Variants in RARB observed in about 807,000 individuals in gnomAD.
The protein encoded by RARB is HBV-activated protein.
A neutral mutation model predicts 51.9 loss-of-function variants in RARB; 17 were observed. That is an observed-to-expected ratio of 0.33 (90% CI 0.22 to 0.49). RARB has a LOEUF of 0.49. RARB is among the 20% of genes least tolerant of loss of function. The pLI is 0.99. For missense variants in RARB, 369 were observed against 550.8 expected (o/e 0.67, Z 3.30); for synonymous variants, 215 against 195.4 (o/e 1.10, Z -0.84).
chr3:25,402,665 A>T (rs1707294633), intron 5 of RARB, among the ~76,000 whole-genome samples: 1 of 152,222 alleles, frequency 6.6e-6, no homozygotes, highest in Non-Finnish European at 1.5e-5. Context: ...ACTTGGGTGG[A>T]ACTGAAGGAC....
rs1243657327 is a variant in RARB, at chr3:25,227,978, G to A, written c.178+53403G>A. ...TAGACATTGCCTCTATGTCTTTTGGGAGTCAATGTCGCTATGTGGAAGTTT... is the reference window on the plus strand; with the variant it reads ...TAGACATTGCCTCTATGTCTTTTGGAAGTCAATGTCGCTATGTGGAAGTTT... On this transcript the variant is annotated intron_variant, in intron 5 of 11. Transcript: ENST00000383772. Among the ~76,000 whole-genome samples, 3 of 151,854 alleles carry A rather than the reference G, an allele frequency of 2.0e-5. No homozygotes were observed. In the East Asian group the frequency reaches 5.8e-4, roughly 29 times the overall value.
At chr3:25,350,706 T>G (rs11915723) in intron 5 of RARB, among the ~76,000 whole-genome samples, 5,420 of 152,294 alleles carry the variant, frequency 0.036, 351 homozygotes, top group African/African-American at 0.12. Context: ...AGAAAGCTCC[T>G]CATAAATATT....
At chr3:25,228,654 G>T (rs1702110617) in intron 5 of RARB, among the ~76,000 whole-genome samples, 1 of 151,882 alleles carries the variant, frequency 6.6e-6, no homozygotes, top group East Asian at 1.9e-4. Context: ...TTTGGTGGGA[G>T]ACCAGGAAAT....
intron 5 of RARB, among the ~76,000 whole-genome samples, chr3:25,391,773 G>T (rs1319704715): frequency 6.6e-6 from 1 of 152,066 alleles, no homozygotes; most frequent in Non-Finnish European, 1.5e-5. Context: ...TGAGTTCTTT[G>T]TAGATTCTGG....
chr3:25,134,530 A>G (rs1700000221), intron 4 of RARB, among the ~76,000 whole-genome samples: 1 of 151,984 alleles, frequency 6.6e-6, no homozygotes, highest in Non-Finnish European at 1.5e-5. Flanking sequence ...AAACGTGTAC[A>G]GTTCTGGTAC....
At chr3:24,931,582 A>G (rs1324647487) in intron 2 of RARB, among the ~76,000 whole-genome samples, 2 of 152,104 alleles carry the variant, frequency 1.3e-5, no homozygotes, top group African/African-American at 4.8e-5. Flanking sequence ...TAATTTGTAT[A>G]TATAATGCAG....
chr3:24,968,047 T>C (rs1696315828), intron 2 of RARB, among the ~76,000 whole-genome samples: 1 of 152,122 alleles, frequency 6.6e-6, no homozygotes, highest in Admixed American at 6.6e-5. Context: ...GTCTTTTTTG[T>C]TTGGTTTGGT....
intron 3 of RARB, among the ~76,000 whole-genome samples, chr3:25,106,467 T>TTTTG (rs1559468580): frequency 2.5e-5 from 3 of 120,122 alleles, no homozygotes; most frequent in African/African-American, 1.0e-4. Context: ...TGTTTTTTTT[T>TTTTG]GTTTTGTTTT....
intron 5 of RARB, among the ~76,000 whole-genome samples, chr3:25,252,651 C>G (rs1253438649): frequency 6.6e-6 from 1 of 152,130 alleles, no homozygotes; most frequent in Non-Finnish European, 1.5e-5. Flanking sequence ...TCAGATATTT[C>G]TTTGCCAGTT....
At chr3:25,099,159 C>T (rs1699353390) in intron 3 of RARB, among the ~76,000 whole-genome samples, 1 of 152,266 alleles carries the variant, frequency 6.6e-6, no homozygotes, top group African/African-American at 2.4e-5. Flanking sequence ...GGTAACAGAA[C>T]AGGTAGGCAC....
At chr3:24,993,031 T>TA (rs1472484571) in intron 2 of RARB, among the ~76,000 whole-genome samples, 1 of 152,152 alleles carries the variant, frequency 6.6e-6, no homozygotes, top group Admixed American at 6.5e-5. Flanking sequence ...GTTACAGAAA[T>TA]AAAAAATATT....
At chr3:25,511,141 G>GC (rs71624607) in intron 3 of RARB, among the ~76,000 whole-genome samples, 2 of 150,706 alleles carry the variant, frequency 1.3e-5, no homozygotes, top group Non-Finnish European at 3.0e-5. Context: ...GTTTTGGTTT[G>GC]TTTTTTTTTG....
chr3:25,308,113 G>C (rs1704197052), intron 5 of RARB, among the ~76,000 whole-genome samples: 1 of 152,158 alleles, frequency 6.6e-6, no homozygotes, highest in African/African-American at 2.4e-5. Context: ...TGCAAGAGTA[G>C]ATACTATGGA....
At chr3:25,525,938 G>A (rs761940636) in intron 3 of RARB, among the ~76,000 whole-genome samples, 1 of 152,190 alleles carries the variant, frequency 6.6e-6, no homozygotes, top group Non-Finnish European at 1.5e-5. Context: ...TGTAGGCTAG[G>A]GGGTGAGTGG....
chr3:25,232,636 T>C (rs1702205590), intron 5 of RARB, among the ~76,000 whole-genome samples: 1 of 152,158 alleles, frequency 6.6e-6, no homozygotes, highest in Admixed American at 6.5e-5. Flanking sequence ...AATGGTACTT[T>C]TTAAAATCTT....
At chr3:24,838,554 G>C (rs1332019313) in intron 1 of RARB, among the ~76,000 whole-genome samples, 1 of 152,178 alleles carries the variant, frequency 6.6e-6, no homozygotes, top group African/African-American at 2.4e-5. Context: ...AAAGGACAAA[G>C]CAATGATGTT....
chr3:25,149,177 G>T (rs1030091687), intron 4 of RARB, among the ~76,000 whole-genome samples: 1 of 152,052 alleles, frequency 6.6e-6, no homozygotes, highest in Non-Finnish European at 1.5e-5. Context: ...GGGAGGAGAG[G>T]GAATGATTTA....
chr3:25,002,240 C>G (rs1485934270), intron 2 of RARB, among the ~76,000 whole-genome samples: 1 of 152,192 alleles, frequency 6.6e-6, no homozygotes, highest in Non-Finnish European at 1.5e-5. Flanking sequence ...CAGGGCAGAG[C>G]ACACTTCCCA....
At chr3:24,966,936 T>C (rs993371797) in intron 2 of RARB, among the ~76,000 whole-genome samples, 1 of 152,168 alleles carries the variant, frequency 6.6e-6, no homozygotes, top group Non-Finnish European at 1.5e-5. Context: ...ATTTTCATTT[T>C]CCATACTTGG....
Sources: gnomAD v4.1 joint callset for allele counts (sites outside exome capture counted in the v4.1 genomes callset) on GRCh38, gnomAD v4.1.1 for gene constraint, MANE v1.5 for transcripts, NCBI Gene and HGNC (gene_info 2026-07-23, HGNC 2026-07-21) for gene names.